The following KHDRBS2 variants were observed in gnomAD, a reference collection of about 807,000 sequenced individuals.
KHDRBS2 encodes the protein KH RNA binding domain containing, signal transduction associated 2, also known as KH domain-containing, RNA-binding, signal transduction-associated protein 2.
A neutral mutation model predicts 44.3 loss-of-function variants in KHDRBS2; 26 were observed. The observed-to-expected ratio is 0.59, with a 90% CI of 0.43 to 0.81. The LOEUF (loss-of-function observed/expected upper bound fraction) is 0.81, where lower values mean the gene tolerates loss of function less well. Among genes scored for constraint, KHDRBS2 ranks in the 40% least tolerant of loss-of-function variants. KHDRBS2 has a pLI of 0.00. For missense variants in KHDRBS2, 476 were observed against 433.1 expected (o/e 1.10, Z -0.88); for synonymous variants, 194 against 151.1 (o/e 1.28, Z -2.08).
At chr6:62,025,529 A>AT (rs763199269) in intron 3 of KHDRBS2, among the ~76,000 whole-genome samples, 192 of 151,912 alleles carry the variant, frequency 1.3e-3, no homozygotes, top group African/African-American at 4.3e-3. Flanking sequence ...TAAAGGATAA[A>AT]TTTTTTTTAA....
chr6:61,965,183 T>G (rs918577785), intron 4 of KHDRBS2, among the ~76,000 whole-genome samples: 4 of 152,050 alleles, frequency 2.6e-5, no homozygotes, highest in African/African-American at 9.7e-5. Context: ...CTGGGAGGGC[T>G]TATGGTTTGC....
chr6:62,283,479 G>C (rs1346238996), intron 1 of KHDRBS2, among the ~76,000 whole-genome samples: 2 of 152,018 alleles, frequency 1.3e-5, no homozygotes, highest in Admixed American at 1.3e-4. Context: ...TCATTCTGAA[G>C]AACTGAATCA....
At chr6:61,952,540 T>C (rs949472468) in intron 4 of KHDRBS2, among the ~76,000 whole-genome samples, 2 of 152,078 alleles carry the variant, frequency 1.3e-5, no homozygotes, top group African/African-American at 4.8e-5. Context: ...TGTTGGTTTT[T>C]TGCAATCATT....
chr6:61,752,503 G>C (rs1036664154), intron 6 of KHDRBS2, among the ~76,000 whole-genome samples: 3 of 151,728 alleles, frequency 2.0e-5, no homozygotes, highest in African/African-American at 7.3e-5. Context: ...AATACAATTA[G>C]GTATTCTATT....
intron 5 of KHDRBS2, among the ~76,000 whole-genome samples, chr6:61,899,739 C>CCT (rs988722142): frequency 2.1e-5 from 3 of 140,234 alleles, no homozygotes; most frequent in Non-Finnish European, 4.7e-5. Flanking sequence ...TAATGCCCCC[C>CCT]CCCCGCATTT....
intron 1 of KHDRBS2, among the ~76,000 whole-genome samples, chr6:62,275,008 T>TAC (rs145870587): frequency 0.39 from 54,880 of 142,278 alleles, 11,532 homozygotes; most frequent in Middle Eastern, 0.51. Context: ...GCTCATCAAA[T>TAC]ACACACACAC....
chr6:61,606,949 G>A, the KHDRBS2 span, among the ~76,000 whole-genome samples: 1 of 152,142 alleles, frequency 6.6e-6, no homozygotes, highest in African/African-American at 2.4e-5. Context: ...TGATTTAAAT[G>A]TGATCAAATA....
intron 3 of KHDRBS2, among the ~76,000 whole-genome samples, chr6:62,001,311 T>C (rs529897831): frequency 6.6e-6 from 1 of 152,152 alleles, no homozygotes; most frequent in South Asian, 2.1e-4. Context: ...CACACTATTA[T>C]CTATGAATAG....
intron 6 of KHDRBS2, among the ~76,000 whole-genome samples, chr6:61,740,801 G>A (rs1480468607): frequency 6.6e-6 from 1 of 151,852 alleles, no homozygotes; most frequent in East Asian, 1.9e-4. Context: ...GATAGCAACA[G>A]GTAACCGTGA....
rs747941518 is a variant in KHDRBS2, at chr6:62,285,922, C to T, written c.27G>A (p.Glu9=). Residue 9 remains glutamate (E), a synonymous_variant, in exon 1 of 9, where the codon GAG becomes GAA. Coordinates refer to ENST00000281156, the MANE Select transcript of KHDRBS2 (RefSeq NM_152688.4). The stretch of plus-strand genomic sequence containing the variant: ...CCAGGCTATCTTTCTCTGCCATCAG[C>T]TCAGGCAAATATTTCTCCTCTTCCA... The part of the protein sequence containing the change: MEEEKYLP[E]LMAEKDSLDP... 20 of 1,613,248 alleles carry T rather than the reference C, an allele frequency of 1.2e-5. No individual in the cohort carries two copies. The highest frequency in any genetic ancestry group is 1.7e-5 in the Non-Finnish European group (20 of 1,179,560).
intron 1 of KHDRBS2, among the ~76,000 whole-genome samples, chr6:62,231,623 A>C (rs1832915091): frequency 6.6e-6 from 1 of 152,192 alleles, no homozygotes; most frequent in Non-Finnish European, 1.5e-5. Context: ...GAACAATAAA[A>C]TCATCAAGAG....
intron 6 of KHDRBS2, among the ~76,000 whole-genome samples, chr6:61,791,366 T>G (rs1323851757): frequency 6.6e-6 from 1 of 151,482 alleles, no homozygotes; most frequent in Non-Finnish European, 1.5e-5. Context: ...TTTACTAATA[T>G]GTGCTAAGTT....
intron 3 of KHDRBS2, among the ~76,000 whole-genome samples, chr6:61,982,447 G>A (rs1257414319): frequency 2.6e-5 from 4 of 151,934 alleles, no homozygotes; most frequent in African/African-American, 7.3e-5. Flanking sequence ...TGAGGAGGGC[G>A]GATCACGAGG....
chr6:61,968,277 T>C (rs1770564181), intron 4 of KHDRBS2, among the ~76,000 whole-genome samples: 1 of 151,918 alleles, frequency 6.6e-6, no homozygotes, highest in African/African-American at 2.4e-5. Context: ...TCATCTTGCT[T>C]CTAGATATGA....
the KHDRBS2 span, among the ~76,000 whole-genome samples, chr6:61,658,409 AC>A: frequency 6.6e-6 from 1 of 151,900 alleles, no homozygotes; most frequent in Admixed American, 6.6e-5. Context: ...TGTTTCTTTT[AC>A]TTTCTGTCCA....
chr6:61,874,992 G>T (rs139573617), intron 6 of KHDRBS2, among the ~76,000 whole-genome samples: 1 of 151,988 alleles, frequency 6.6e-6, no homozygotes, highest in Admixed American at 6.6e-5. Flanking sequence ...GCATGTCCTC[G>T]GTAAGGCCTA....
At chr6:62,170,089 T>C (rs1486826800) in intron 2 of KHDRBS2, among the ~76,000 whole-genome samples, 1 of 151,954 alleles carries the variant, frequency 6.6e-6, no homozygotes, top group Non-Finnish European at 1.5e-5. Context: ...ACTGTCTTAC[T>C]TCTGTCCAAA....
chr6:62,059,004 G>A (rs1790970117), intron 2 of KHDRBS2, among the ~76,000 whole-genome samples: 1 of 151,268 alleles, frequency 6.6e-6, no homozygotes, highest in African/African-American at 2.4e-5. Flanking sequence ...CTGAAACTTA[G>A]GAAACATATG....
rs531016398 is a variant in KHDRBS2 at position 62,118,575 on chromosome 6, G to A, written c.219+58610C>T. Among the ~76,000 whole-genome samples the A allele has an allele frequency of 1.1e-4, 17 of 152,132 alleles. No homozygotes were observed. The East Asian group carries it at 1.9e-3, about 17-fold the overall frequency. On this transcript the variant is annotated intron_variant, in intron 2 of 8. Coordinates refer to ENST00000281156, the MANE Select transcript of KHDRBS2 (RefSeq NM_152688.4). ...GTGAAGGATACAAAATATTGTTTCC[G>A]GGGGTGTCACCAAAGGAGATTAATA...
Sources: gnomAD v4.1 joint callset for allele counts (sites outside exome capture counted in the v4.1 genomes callset) on GRCh38, gnomAD v4.1.1 for gene constraint, MANE v1.5 for transcripts, NCBI Gene and HGNC (gene_info 2026-07-23, HGNC 2026-07-21) for gene names.